GLMN: variants seen among roughly 807,000 people sequenced by gnomAD.
GLMN encodes glomulin.
In GLMN, 75 loss-of-function variants were observed where a neutral mutation model predicts 87.8. The observed-to-expected ratio is 0.85, with a 90% CI of 0.71 to 1.04. GLMN has a LOEUF of 1.04. Ranked by LOEUF, GLMN falls within the 50% of genes least tolerant of loss-of-function variation. The pLI is 0.00. For missense variants in GLMN, 588 were observed against 658.8 expected (o/e 0.89, Z 1.18); for synonymous variants, 206 against 221.6 (o/e 0.93, Z 0.63).
At chr1:92,314,311 T>TTTGTTG in the GLMN span, among the ~76,000 whole-genome samples, 93 of 152,184 alleles carry the variant, frequency 6.1e-4, no homozygotes, top group East Asian at 0.017. Flanking sequence ...TAAGGGTTTT[T>TTTGTTG]TTGTTGTTGT....
intron 5 of GLMN, 93 bp from the exon 6 acceptor site, chr1:92,289,244 C>T: frequency 1.3e-6 from 1 of 783,928 alleles, no homozygotes. Context: ...TTCCTCCTCC[C>T]ACATTTTAAC....
chr1:92,251,427 A>G (rs966339006), intron 16 of GLMN, among the ~76,000 whole-genome samples: 10 of 152,082 alleles, frequency 6.6e-5, no homozygotes, highest in Non-Finnish European at 1.0e-4. Flanking sequence ...CTCAACCCAT[A>G]TCTCATATCA....
At chr1:92,283,478 TAA>T (rs910487950) in intron 7 of GLMN, among the ~76,000 whole-genome samples, 8 of 152,096 alleles carry the variant, frequency 5.3e-5, no homozygotes, top group African/African-American at 1.4e-4. Flanking sequence ...CTCAAAATAA[TAA>T]GAGCTTTTAT....
Position 92,289,158 on chromosome 1 carries a change from C to G in GLMN, c.395-7G>C, listed in dbSNP as rs1266332576. 6.7e-7 allele frequency: 1 copy of G among 1,498,866 alleles called. No individual in the cohort carries two copies. The allele number at this position is 1,498,866 out of a possible 1,614,324, so 92.8% of individuals were successfully genotyped here. A position where few individuals can be genotyped will look rare whatever the true frequency, so the allele number is the denominator to read the frequency against. ...TTATGAAGTTTCTGAATCACTAAAACAGAGATCAAGTTGTCGCTCATCAAG... is the reference window on the plus strand; with the variant it reads ...TTATGAAGTTTCTGAATCACTAAAAGAGAGATCAAGTTGTCGCTCATCAAG... On this transcript the variant is annotated splice_region_variant and splice_polypyrimidine_tract_variant and intron_variant, in intron 5 of 18. Transcript: ENST00000370360.
At chr1:92,324,152 A>G in the GLMN span, 1 of 1,614,144 alleles carries the variant, frequency 6.2e-7, no homozygotes, top group Non-Finnish European at 8.5e-7. Flanking sequence ...GATGAAGATG[A>G]CATAATCTCA....
At chr1:92,370,462 C>A in the GLMN span, among the ~76,000 whole-genome samples, 1 of 152,056 alleles carries the variant, frequency 6.6e-6, no homozygotes, top group African/African-American at 2.4e-5. Flanking sequence ...CGTACCCCCC[C>A]ACCAAAAACA....
intron 7 of GLMN, among the ~76,000 whole-genome samples, chr1:92,280,816 C>T (rs1280728052): frequency 1.3e-5 from 2 of 152,012 alleles, no homozygotes; most frequent in Non-Finnish European, 2.9e-5. Context: ...AACTTCATGA[C>T]GCATGCACAA....
chr1:92,264,691 TAAATG>T (rs1655416153), intron 13 of GLMN, 53 bp from the exon 14 acceptor site: 8 of 950,556 alleles, frequency 8.4e-6, no homozygotes, highest in Non-Finnish European at 1.4e-5. Flanking sequence ...GCATTAGAAT[TAAATG>T]GTGATAAAAG....
chr1:92,305,432 C>CAAAAAAAAAAAAAAAAAAAAAAAAAAA, the GLMN span, among the ~76,000 whole-genome samples: 155 of 52,646 alleles, frequency 2.9e-3, 5 homozygotes, highest in East Asian at 8.3e-3. Context: ...GGCTCCGTCT[C>CAAAAAAAAAAAAAAAAAAAAAAAAAAA]AAAAAAAAAA....
At chr1:92,257,914 G>C (rs1034142697) in intron 16 of GLMN, among the ~76,000 whole-genome samples, 1 of 152,066 alleles carries the variant, frequency 6.6e-6, no homozygotes, top group African/African-American at 2.4e-5. Flanking sequence ...TGGACAAATG[G>C]GATCTAATTA....
chr1:92,276,855 T>C (rs1004567822), intron 7 of GLMN, among the ~76,000 whole-genome samples: 3 of 152,166 alleles, frequency 2.0e-5, no homozygotes, highest in African/African-American at 7.2e-5. Flanking sequence ...AAAATGTTCA[T>C]AATTATTGAA....
chr1:92,288,974 A>G lies in GLMN; in HGVS notation c.572T>C (p.Val191Ala). Residue 191 changes from valine to alanine, a missense_variant, in exon 6 of 19, where the codon GTC becomes GCC. Physicochemically the swap from Val to Ala is moderately conservative, Grantham distance 64. Transcript: ENST00000370360. ...IEFTKPFVEE[V>A]IDNKENSLEN... ...CAGTGAGTTTTCTTTGTTATCAATGACTTCTTCCACAAAAGGCTTAGTGAA... is the reference window on the plus strand; with the variant it reads ...CAGTGAGTTTTCTTTGTTATCAATGGCTTCTTCCACAAAAGGCTTAGTGAA... 1 of 1,612,390 alleles carries G rather than the reference A, an allele frequency of 6.2e-7. No individual in the cohort carries two copies. The highest frequency in any genetic ancestry group is 1.1e-5 in the South Asian group (1 of 91,050).
rs747365029 is a variant in GLMN, at chr1:92,290,202, T to C, written c.390A>G (p.Gln130=). 1.3e-6 allele frequency: 2 copies of C among 1,551,146 alleles called. No homozygotes were observed. The highest frequency in any genetic ancestry group is 2.2e-5 in the South Asian group (2 of 89,788). The change falls in exon 5 of 19, where the codon CAA becomes CAG. Residue 130 remains glutamine, a synonymous_variant. Coordinates refer to ENST00000370360, the MANE Select transcript of GLMN (RefSeq NM_053274.3). Reference sequence around the variant, plus strand: ...TGATATCAAAATTCTCATTACCTGTTTGTAATGGCTGAAGCAAAAGAAGAA... The same window carrying C: ...TGATATCAAAATTCTCATTACCTGTCTGTAATGGCTGAAGCAAAAGAAGAA... ...QSILLLLQPL[Q]TVIQKLHNKA...
At chr1:92,275,837 G>C (rs1170846806) in intron 7 of GLMN, among the ~76,000 whole-genome samples, 1 of 152,008 alleles carries the variant, frequency 6.6e-6, no homozygotes, top group East Asian at 1.9e-4. Context: ...CTTCCTTCTT[G>C]GGCTCATTTT....
chr1:92,337,371 A>G, the GLMN span, among the ~76,000 whole-genome samples: 3 of 152,160 alleles, frequency 2.0e-5, no homozygotes, highest in Admixed American at 6.5e-5. Flanking sequence ...TGGCAAATTT[A>G]AAAACATCAG....
chr1:92,339,738 G>A, the GLMN span, among the ~76,000 whole-genome samples: 2 of 151,856 alleles, frequency 1.3e-5, no homozygotes, highest in African/African-American at 2.4e-5. Context: ...AAATACAGCC[G>A]GGCACAGTGG....
intron 16 of GLMN, among the ~76,000 whole-genome samples, chr1:92,252,476 T>C (rs1162718644): frequency 6.6e-6 from 1 of 152,214 alleles, no homozygotes; most frequent in South Asian, 2.1e-4. Context: ...ATCTAGATCT[T>C]TGAATGTTAA....
At chr1:92,263,854 T>C in intron 14 of GLMN, 122 bp from the exon 15 acceptor site, 1 of 702,408 alleles carries the variant, frequency 1.4e-6, no homozygotes, top group Non-Finnish European at 2.6e-6. Flanking sequence ...TAACTTTAAT[T>C]TCCGTACTTT....
chr1:92,332,844 T>C, the GLMN span, among the ~76,000 whole-genome samples: 2 of 152,164 alleles, frequency 1.3e-5, no homozygotes, highest in Non-Finnish European at 2.9e-5. Flanking sequence ...TGTAATTACC[T>C]TCTCCAGGAT....
Sources: gnomAD v4.1 joint callset for allele counts (sites outside exome capture counted in the v4.1 genomes callset) on GRCh38, gnomAD v4.1.1 for gene constraint, MANE v1.5 for transcripts, NCBI Gene and HGNC (gene_info 2026-07-23, HGNC 2026-07-21) for gene names.